PFKFB3: variants seen among roughly 807,000 people sequenced by gnomAD.
PFKFB3 encodes 6-phosphofructo-2-kinase/fructose-2,6-bisphosphatase 3.
Under a neutral mutation model 68.0 loss-of-function variants are expected in PFKFB3, and 33 were observed. That is an observed-to-expected ratio of 0.49 (90% CI 0.37 to 0.65). PFKFB3 has a LOEUF of 0.65. Among genes scored for constraint, PFKFB3 ranks in the 30% least tolerant of loss-of-function variants. The pLI is 0.00. For missense variants in PFKFB3, 586 were observed against 712.2 expected (o/e 0.82, Z 2.02); for synonymous variants, 315 against 288.2 (o/e 1.09, Z -0.94).
At chr10:6,146,365 G>A (rs990062696) in intron 1 of PFKFB3, 11 of 1,535,036 alleles carry the variant, frequency 7.2e-6, no homozygotes, top group Admixed American at 2.0e-5. Flanking sequence ...CTCCTGTCCC[G>A]TTGGGGTAGA....
intron 14 of PFKFB3, among the ~76,000 whole-genome samples, chr10:6,245,297 A>G (rs894825523): frequency 8.5e-5 from 13 of 152,086 alleles, no homozygotes; most frequent in Middle Eastern, 3.4e-3. Flanking sequence ...GGGTTTCACC[A>G]TGTTGGCCAG....
At position 6,226,236 on chromosome 10, in the gene PFKFB3, C is replaced by T. The variant is rs1367564945; in HGVS notation, c.1386C>T (p.Val462=). 2 of 1,613,402 alleles carry T rather than the reference C, an allele frequency of 1.2e-6. No individual in the cohort carries two copies. The highest frequency in any genetic ancestry group is 2.7e-5 in the African/African-American group (2 of 74,868). Residue 462 remains valine, a synonymous_variant, in exon 14 of 15, where the codon GTC becomes GTT. Coordinates refer to ENST00000379775, the MANE Select transcript of PFKFB3 (RefSeq NM_004566.4). ...ACCCGCTCATGAGACGCAATAGTGT[C>T]ACCCCGCTAGCCAGCCCCGAACCCA... The part of the protein sequence containing the change: ...GPNPLMRRNS[V]TPLASPEPTK...
chr10:6,183,859 T>C (rs1344066637), intron 1 of PFKFB3, among the ~76,000 whole-genome samples: 1 of 150,808 alleles, frequency 6.6e-6, no homozygotes, highest in Non-Finnish European at 1.5e-5. Context: ...GGCTAATTTT[T>C]TTTTATATTT....
chr10:6,281,955 A>AG, the PFKFB3 span, among the ~76,000 whole-genome samples: 1 of 115,932 alleles, frequency 8.6e-6, no homozygotes, highest in Non-Finnish European at 2.1e-5. Context: ...TCAGAGCATG[A>AG]ATTTTTTTTT....
rs116852309 is a variant in PFKFB3 at position 6,158,827 on chromosome 10, G to A, written c.16+13814G>A. 3.6e-3 allele frequency among the ~76,000 whole-genome samples: 540 copies of A among 150,990 alleles called. 2 individuals are homozygous for A. The highest frequency in any genetic ancestry group is 0.012 in the African/African-American group (505 of 41,100). Reference sequence around the variant, plus strand: ...GGCTGCAGTGAGCTGAAATCGCAGCGCCACTGCTCTCTAGCCTGGGTGACA... The same window carrying A: ...GGCTGCAGTGAGCTGAAATCGCAGCACCACTGCTCTCTAGCCTGGGTGACA... On this transcript the variant is annotated intron_variant, in intron 1 of 14. Transcript: ENST00000379789.
At chr10:6,188,845 T>C (rs1409800627) in intron 1 of PFKFB3, among the ~76,000 whole-genome samples, 4 of 148,834 alleles carry the variant, frequency 2.7e-5, no homozygotes, top group Non-Finnish European at 6.0e-5. Flanking sequence ...TTTTTTTTTT[T>C]TTTTTTTTAG....
At chr10:6,291,040 G>A in the PFKFB3 span, among the ~76,000 whole-genome samples, 1 of 151,636 alleles carries the variant, frequency 6.6e-6, no homozygotes, top group East Asian at 1.9e-4. Context: ...TTAACTTTAT[G>A]TGTACATATT....
At chr10:6,278,338 C>T in the PFKFB3 span, among the ~76,000 whole-genome samples, 86 of 151,962 alleles carry the variant, frequency 5.7e-4, 1 homozygote, top group South Asian at 4.6e-3. Flanking sequence ...TGCAGTGGCA[C>T]GATCTTGGGT....
the PFKFB3 span, chr10:6,293,581 G>A: frequency 2.0e-5 from 4 of 200,456 alleles, no homozygotes; most frequent in Non-Finnish European, 4.1e-5. Context: ...CCTGACATAA[G>A]GTGATCTGCC....
At chr10:6,172,634 C>T (rs909063502) in intron 1 of PFKFB3, among the ~76,000 whole-genome samples, 1 of 152,060 alleles carries the variant, frequency 6.6e-6, no homozygotes, top group African/African-American at 2.4e-5. Flanking sequence ...CCAGCCTGAG[C>T]AACATGATGA....
chr10:6,150,388 G>GT (rs1841535393), intron 1 of PFKFB3, among the ~76,000 whole-genome samples: 1 of 152,172 alleles, frequency 6.6e-6, no homozygotes, highest in East Asian at 1.9e-4. Context: ...GGACGGCTGA[G>GT]TAAGGTCAGA....
At chr10:6,231,047 C>T (rs1004637333) in intron 14 of PFKFB3, among the ~76,000 whole-genome samples, 2 of 152,030 alleles carry the variant, frequency 1.3e-5, no homozygotes, top group Non-Finnish European at 2.9e-5. Context: ...CTTGGTTTCC[C>T]AGTAAGATGG....
At chr10:6,155,990 G>A (rs888908602) in intron 1 of PFKFB3, among the ~76,000 whole-genome samples, 3 of 152,026 alleles carry the variant, frequency 2.0e-5, no homozygotes, top group Admixed American at 6.6e-5. Flanking sequence ...CTACCCAATA[G>A]GCAGTTTTTC....
chr10:6,156,381 C>T (rs1003031301), intron 1 of PFKFB3, among the ~76,000 whole-genome samples: 14 of 152,014 alleles, frequency 9.2e-5, no homozygotes, highest in African/African-American at 2.2e-4. Context: ...GTGTCCAACT[C>T]GTGGGCTCAA....
intron 14 of PFKFB3, among the ~76,000 whole-genome samples, chr10:6,246,200 C>A (rs1846255325): frequency 6.6e-6 from 1 of 152,128 alleles, no homozygotes; most frequent in African/African-American, 2.4e-5. Context: ...GACAGAATTT[C>A]CCAAAGAAAG....
intron 1 of PFKFB3, among the ~76,000 whole-genome samples, chr10:6,169,707 T>C (rs533896688): frequency 6.6e-6 from 1 of 152,276 alleles, no homozygotes; most frequent in East Asian, 1.9e-4. Flanking sequence ...TAAAAGTCAC[T>C]CAGAATTTGG....
chr10:6,181,871 CACAGAG>C (rs1842723784), intron 1 of PFKFB3, among the ~76,000 whole-genome samples: 1 of 150,662 alleles, frequency 6.6e-6, no homozygotes, highest in Non-Finnish European at 1.5e-5. Context: ...GAATCACACT[CACAGAG>C]ACAAAGTAGA....
At chr10:6,250,571 A>C (rs1846358156) in intron 14 of PFKFB3, among the ~76,000 whole-genome samples, 1 of 76,088 alleles carries the variant, frequency 1.3e-5, no homozygotes, top group Non-Finnish European at 2.4e-5. Flanking sequence ...ACTCGGTCTC[A>C]AAAAAAAAAA....
At chr10:6,237,440 T>A (rs1336613093), downstream of PFKFB3, among the ~76,000 whole-genome samples, 5 of 152,090 alleles carry the variant, frequency 3.3e-5, no homozygotes, top group African/African-American at 9.7e-5. Flanking sequence ...AGGAAGGCTT[T>A]ATAGAAGAAA....
Sources: gnomAD v4.1 joint callset for allele counts (sites outside exome capture counted in the v4.1 genomes callset) on GRCh38, gnomAD v4.1.1 for gene constraint, MANE v1.5 for transcripts, NCBI Gene and HGNC (gene_info 2026-07-23, HGNC 2026-07-21) for gene names.